Variants in FAAH2 observed in about 807,000 individuals in gnomAD.
FAAH2 encodes the protein fatty acid amide hydrolase 2, also known as fatty-acid amide hydrolase 2.
In FAAH2, 60 loss-of-function variants were observed where a neutral mutation model predicts 36.9. The ratio of observed to expected loss-of-function variants is 1.63; its 90% CI spans 1.32 to 2.02. The LOEUF (loss-of-function observed/expected upper bound fraction) is 2.02, where lower values mean the gene tolerates loss of function less well. Ranked by LOEUF, FAAH2 falls within the 30% of genes most tolerant of loss-of-function variation. FAAH2 has a pLI of 0.00. For missense variants in FAAH2, 689 were observed against 397.5 expected, an observed-to-expected ratio of 1.73 and a Z score of -6.23; for synonymous variants, 214 against 143.8, an observed-to-expected ratio of 1.49 and a Z score of -3.49.
At chrX:57,165,368 G>A in the FAAH2 span, among the ~76,000 whole-genome samples, 6 of 111,523 alleles carry the variant, frequency 5.4e-5, no homozygotes, top group South Asian at 1.9e-3. Context: ...CCATAAAAAA[G>A]GATGAGTTCA....
intron 7 of FAAH2, among the ~76,000 whole-genome samples, chrX:57,422,069 A>G (rs921179020): frequency 2.7e-5 from 3 of 111,353 alleles, no homozygotes; most frequent in East Asian, 5.7e-4. Context: ...GTCTTTACTA[A>G]CAGACATAGG....
At chrX:57,407,440 T>C (rs774542920) in intron 7 of FAAH2, among the ~76,000 whole-genome samples, 3 of 112,043 alleles carry the variant, frequency 2.7e-5, no homozygotes, top group Non-Finnish European at 3.8e-5. Context: ...AATTTGTTGG[T>C]CAGCATTCTG....
At chrX:57,398,986 C>G (rs2055368445) in intron 7 of FAAH2, among the ~76,000 whole-genome samples, 1 of 111,153 alleles carries the variant, frequency 9.0e-6, no homozygotes, top group Non-Finnish European at 1.9e-5. Flanking sequence ...GGCATCATGC[C>G]ATTGAGATTT....
the FAAH2 span, among the ~76,000 whole-genome samples, chrX:57,183,486 G>A: frequency 8.9e-6 from 1 of 111,743 alleles, no homozygotes; most frequent in African/African-American, 3.2e-5. Context: ...AATTGTTGCG[G>A]GAAGTCAGGG....
intron 8 of FAAH2, among the ~76,000 whole-genome samples, chrX:57,445,090 A>G (rs1486801284): frequency 3.6e-5 from 4 of 111,668 alleles, no homozygotes; most frequent in Non-Finnish European, 7.5e-5. Flanking sequence ...GTTGTTTTCA[A>G]TATTCACCGT....
chrX:57,361,856 G>T (rs748115307), intron 5 of FAAH2, among the ~76,000 whole-genome samples: 6 of 110,909 alleles, frequency 5.4e-5, no homozygotes, highest in Admixed American at 1.9e-4. Flanking sequence ...CCCTCATCTT[G>T]TTTGTCTGGA....
intron 8 of FAAH2, among the ~76,000 whole-genome samples, chrX:57,438,252 AGT>A (rs2056459144): frequency 9.6e-5 from 1 of 10,429 alleles, no homozygotes; most frequent in Admixed American, 1.7e-3. Flanking sequence ...TATAGATATA[AGT>A]ATATAGATAT....
intron 5 of FAAH2, among the ~76,000 whole-genome samples, chrX:57,371,516 C>T (rs1266340791): frequency 9.0e-6 from 1 of 110,774 alleles, no homozygotes; most frequent in Non-Finnish European, 1.9e-5. Context: ...CCATGTCTTT[C>T]CTATTATGAA....
chrX:57,317,980 A>G (rs1362775970), intron 3 of FAAH2, among the ~76,000 whole-genome samples: 3 of 111,727 alleles, frequency 2.7e-5, no homozygotes, highest in Non-Finnish European at 5.6e-5. Context: ...AAAAGACACA[A>G]TGTACTGGGA....
chrX:57,212,383 A>G, the FAAH2 span, among the ~76,000 whole-genome samples: 1 of 112,430 alleles, frequency 8.9e-6, no homozygotes, highest in African/African-American at 3.2e-5. Context: ...ACAAGTCTTC[A>G]CTATGCCAGT....
the FAAH2 span, among the ~76,000 whole-genome samples, chrX:57,253,086 C>T: frequency 6.3e-5 from 7 of 111,486 alleles, no homozygotes; most frequent in Non-Finnish European, 1.1e-4. Context: ...CCTGATGGAG[C>T]GGAAAACCAC....
At chrX:57,245,739 A>G in the FAAH2 span, among the ~76,000 whole-genome samples, 2 of 112,625 alleles carry the variant, frequency 1.8e-5, no homozygotes, top group African/African-American at 6.5e-5. Flanking sequence ...GTTTAGAGGG[A>G]AAATTATAGC....
chrX:57,389,564 T>C (rs1008244990), intron 7 of FAAH2, among the ~76,000 whole-genome samples: 1 of 110,114 alleles, frequency 9.1e-6, no homozygotes, highest in African/African-American at 3.3e-5. Context: ...TTCTATACTT[T>C]TAAGGCTGAA....
chrX:57,366,186 GT>G (rs779331597), intron 5 of FAAH2, among the ~76,000 whole-genome samples: 1 of 111,282 alleles, frequency 9.0e-6, no homozygotes, highest in Admixed American at 9.6e-5. Flanking sequence ...TGTTCCTTTA[GT>G]TTTTGGAGTT....
At chrX:57,352,037 CATATATATATGTGTAT>C (rs2054015852) in intron 5 of FAAH2, among the ~76,000 whole-genome samples, 1 of 33,263 alleles carries the variant, frequency 3.0e-5, no homozygotes, top group South Asian at 1.6e-3. Flanking sequence ...TATATATATA[CATATATATATGTGTAT>C]ATATATATAT....
chrX:57,394,340 C>T (rs910606675), intron 7 of FAAH2: 3 of 1,162,938 alleles, frequency 2.6e-6, no homozygotes, highest in Non-Finnish European at 2.3e-6. Flanking sequence ...CTGATATTTC[C>T]CAACAGGCTG....
At chrX:57,355,409 TC>T (rs1052323493) in intron 5 of FAAH2, among the ~76,000 whole-genome samples, 1 of 111,176 alleles carries the variant, frequency 9.0e-6, no homozygotes, top group Non-Finnish European at 1.9e-5. Flanking sequence ...AAAACACATT[TC>T]TAAGGGAAGA....
chrX:57,396,369 T>A (rs1272230474), intron 7 of FAAH2, among the ~76,000 whole-genome samples: 2 of 107,763 alleles, frequency 1.9e-5, no homozygotes, highest in Non-Finnish European at 3.8e-5. Flanking sequence ...TAGCTTTAGG[T>A]TTAGTGTTTT....
chrX:57,419,265 T>C (rs1211741025), intron 7 of FAAH2, among the ~76,000 whole-genome samples: 1 of 106,135 alleles, frequency 9.4e-6, no homozygotes, highest in Non-Finnish European at 2.0e-5. Context: ...ATGGTATTTC[T>C]AGTTCTAGAT....
Sources: allele counts gnomAD v4.1 joint callset (sites outside exome capture counted in the v4.1 genomes callset), GRCh38; gene constraint gnomAD v4.1.1; transcripts MANE v1.5; gene names NCBI Gene and HGNC (gene_info 2026-07-23, HGNC 2026-07-21).